Variants in GAB2 observed in about 807,000 individuals in gnomAD.
GAB2 encodes the protein GRB2 associated binding protein 2, also known as GRB2-associated-binding protein 2.
Under a neutral mutation model 65.5 loss-of-function variants are expected in GAB2, and 26 were observed. The ratio of observed to expected loss-of-function variants is 0.40; its 90% CI spans 0.29 to 0.55. The LOEUF (loss-of-function observed/expected upper bound fraction) is 0.55, where lower values mean the gene tolerates loss of function less well. Among genes scored for constraint, GAB2 ranks in the 20% least tolerant of loss-of-function variants. The pLI is 0.53. For synonymous variants in GAB2, 321 were observed against 329.6 expected (o/e 0.97, Z 0.28); for missense variants, 884 against 875.8 (o/e 1.01, Z -0.12).
At chr11:78,247,809 G>C (rs768221795) in intron 3 of GAB2, among the ~76,000 whole-genome samples, 6 of 152,140 alleles carry the variant, frequency 3.9e-5, no homozygotes, top group African/African-American at 7.2e-5. Flanking sequence ...ATTTAAGAAA[G>C]CTTCCTTCCT....
At chr11:78,323,810 T>C (rs1458130487) in intron 1 of GAB2, among the ~76,000 whole-genome samples, 2 of 144,578 alleles carry the variant, frequency 1.4e-5, no homozygotes, top group African/African-American at 5.2e-5. Context: ...TTTTTTTTTT[T>C]TTTTTGAGAC....
At chr11:78,310,240 C>T (rs1462344857) in intron 1 of GAB2, among the ~76,000 whole-genome samples, 4 of 151,704 alleles carry the variant, frequency 2.6e-5, no homozygotes, top group South Asian at 4.2e-4. Flanking sequence ...CGGTGGCTCA[C>T]GCCTGTAATC....
rs752369031 is a variant in GAB2, at chr11:78,222,143, G to C, written c.1620C>G (p.Pro540=). 1 of 1,613,976 alleles carries C rather than the reference G, an allele frequency of 6.2e-7. No individual in the cohort carries two copies. Among genetic ancestry groups the C allele is most frequent in the South Asian group, 1.1e-5 (1 of 91,074 alleles). Residue 540 remains proline (P), a synonymous_variant, in exon 7 of 10, where the codon CCC becomes CCG. Transcript: ENST00000361507. ...AAGACTTGGTGATAGGTGACTTGAA[G>C]GGGAGTTCATCGATGACGGTGTTGT... is the stretch of plus-strand genomic sequence containing the variant. The part of the protein sequence containing the change: ...LRNNTVIDEL[P]FKSPITKSWS...
chr11:78,376,710 T>C (rs952408795), intron 1 of GAB2, among the ~76,000 whole-genome samples: 1 of 152,042 alleles, frequency 6.6e-6, no homozygotes, highest in African/African-American at 2.4e-5. Flanking sequence ...AGGCTCATGA[T>C]GAGGGAGAGT....
rs114480483 is a variant in GAB2 at position 78,303,394 on chromosome 11, G to A, written c.76-22493C>T. ...CAATTTTTTTACACATGGATATCCA[G>A]CTGTTCTAGCAGCATTTGTTGAAAA... On this transcript the variant is annotated intron_variant, in intron 1 of 9. Coordinates refer to ENST00000361507, the MANE Select transcript of GAB2 (RefSeq NM_080491.3). Among the ~76,000 whole-genome samples, 1,321 of 152,212 alleles carry A rather than the reference G, an allele frequency of 8.7e-3. 20 individuals are homozygous for A. Among genetic ancestry groups the A allele is most frequent in the African/African-American group, 0.03 (1,255 of 41,532 alleles).
chr11:78,281,389 G>T (rs989909317), intron 1 of GAB2, among the ~76,000 whole-genome samples: 1 of 152,112 alleles, frequency 6.6e-6, no homozygotes, highest in Non-Finnish European at 1.5e-5. Context: ...AGGATTACAG[G>T]CATGTGCCAC....
At chr11:78,362,432 G>A (rs1321982545) in intron 1 of GAB2, among the ~76,000 whole-genome samples, 4 of 151,860 alleles carry the variant, frequency 2.6e-5, no homozygotes, top group Admixed American at 2.6e-4. Context: ...CAAATAAGCA[G>A]AGGGATAAAA....
At chr11:78,346,704 TATATATATATATATATA>T (rs1236977631) in intron 1 of GAB2, among the ~76,000 whole-genome samples, 2 of 100,182 alleles carry the variant, frequency 2.0e-5, no homozygotes, top group African/African-American at 1.2e-4. Context: ...TATATATATA[TATATATATATATATATA>T]ATTTTTTTTT....
rs143696009 is a variant in GAB2, at chr11:78,410,061, A to T, written c.75+7585T>A. 2.1e-3 allele frequency among the ~76,000 whole-genome samples: 314 copies of T among 152,270 alleles called. 2 individuals carry two copies. Among genetic ancestry groups the T allele is most frequent in the African/African-American group, 6.4e-3 (267 of 41,564 alleles). On this transcript the variant is annotated intron_variant, in intron 1 of 9. Coordinates refer to ENST00000361507, the MANE Select transcript of GAB2 (RefSeq NM_080491.3). ...GGAAAGTCTCAAGGAAAGTAAAAAAAATATATATATACTGAGCAAATAAAA... is the reference window on the plus strand; with the variant it reads ...GGAAAGTCTCAAGGAAAGTAAAAAATATATATATATACTGAGCAAATAAAA...
Position 78,221,678 on chromosome 11 carries a change from A to G in GAB2, c.1760T>C (p.Met587Thr). The G allele has an allele frequency of 6.2e-7, 1 of 1,603,286 alleles. No individual in the cohort carries two copies. The highest frequency in any genetic ancestry group is 8.5e-7 in the Non-Finnish European group (1 of 1,170,486). The change falls in exon 8 of 10, where the codon ATG becomes ACG. Residue 587 changes from methionine (M) to threonine (T), a missense_variant and splice_region_variant. Physicochemically the swap from Met to Thr is moderately conservative, Grantham distance 81. Transcript: ENST00000361507. ...SGDSEENYVPMQNPVSASPVP... is the reference protein window; with the variant it reads ...SGDSEENYVPTQNPVSASPVP... ...TCCAGCGAAGCCCGAAGGACTCACC[A>G]TAGGGACATAGTTCTCTTCGCTGTC...
At chr11:78,286,350 C>A (rs1381921000) in intron 1 of GAB2, among the ~76,000 whole-genome samples, 1 of 152,044 alleles carries the variant, frequency 6.6e-6, no homozygotes, top group Admixed American at 6.6e-5. Flanking sequence ...TTATTGACTC[C>A]CCCAGGTAGA....
chr11:78,342,509 C>A (rs923444618), intron 1 of GAB2, among the ~76,000 whole-genome samples: 1 of 150,700 alleles, frequency 6.6e-6, no homozygotes, highest in Non-Finnish European at 1.5e-5. Context: ...CCCGGTTTCA[C>A]GCCATTCTTC....
intron 1 of GAB2, among the ~76,000 whole-genome samples, chr11:78,368,125 T>A (rs538958083): frequency 6.6e-6 from 1 of 152,332 alleles, no homozygotes; most frequent in East Asian, 1.9e-4. Flanking sequence ...TGTCAGTGCT[T>A]AATTTTCTAT....
chr11:78,220,237 G>A lies in GAB2; in HGVS notation c.1887+82C>T. 4 of 1,494,024 alleles carry A rather than the reference G, an allele frequency of 2.7e-6. No homozygotes were observed. In the South Asian group the frequency reaches 4.7e-5, roughly 17 times the overall value. The allele number at this position is 1,494,024 out of a possible 1,614,324, so 92.5% of individuals were successfully genotyped here. A position where few individuals can be genotyped will look rare whatever the true frequency, so the allele number is the denominator to read the frequency against. Reference sequence around the variant, plus strand: ...GGGAGGCTGAGTGCTGCTGTTCAGTGTTGAAGGCACCCTGGCCTCCATGAT... The same window carrying A: ...GGGAGGCTGAGTGCTGCTGTTCAGTATTGAAGGCACCCTGGCCTCCATGAT... On this transcript the variant is annotated intron_variant, in intron 9 of 9. Coordinates refer to ENST00000361507, the MANE Select transcript of GAB2 (RefSeq NM_080491.3).
At chr11:78,300,210 A>G (rs1451953247) in intron 1 of GAB2, among the ~76,000 whole-genome samples, 1 of 152,160 alleles carries the variant, frequency 6.6e-6, no homozygotes. Flanking sequence ...GGAATCATGC[A>G]GTATATATTC....
At chr11:78,297,529 T>A (rs942444801) in intron 1 of GAB2, among the ~76,000 whole-genome samples, 5 of 152,038 alleles carry the variant, frequency 3.3e-5, no homozygotes, top group African/African-American at 1.2e-4. Flanking sequence ...ATATGGGAAC[T>A]ACTGTCGTGC....
rs139713639 is a variant in GAB2 at position 78,331,707 on chromosome 11, C to T, written c.76-50806G>A. Among the ~76,000 whole-genome samples, 21 of 152,160 alleles carry T rather than the reference C, an allele frequency of 1.4e-4. No homozygotes were observed. In the South Asian group the frequency reaches 2.1e-3, roughly 15 times the overall value. On this transcript the variant is annotated intron_variant, in intron 1 of 9. Transcript: ENST00000361507. ...CTCAGGATAAGAGGAATAGTGCCCA[C>T]GCTGCTCTGGGCCTAGAAAGGGATT...
chr11:78,367,340 T>C (rs1392437721), intron 1 of GAB2, among the ~76,000 whole-genome samples: 1 of 152,186 alleles, frequency 6.6e-6, no homozygotes, highest in Non-Finnish European at 1.5e-5. Flanking sequence ...GGTAGGTACA[T>C]ATATGAGTGA....
At chr11:78,319,103 GA>G (rs60584591) in intron 1 of GAB2, among the ~76,000 whole-genome samples, 43,167 of 152,032 alleles carry the variant, frequency 0.28, 7,733 homozygotes, top group African/African-American at 0.5. Context: ...CTCAGCCTCT[GA>G]AACAAGGCTG....
Sources: gnomAD v4.1 joint callset for allele counts (sites outside exome capture counted in the v4.1 genomes callset) on GRCh38, gnomAD v4.1.1 for gene constraint, MANE v1.5 for transcripts, NCBI Gene and HGNC (gene_info 2026-07-23, HGNC 2026-07-21) for gene names.